The following SPAG17 variants were observed in gnomAD, a reference collection of about 807,000 sequenced individuals.
The protein encoded by SPAG17 is sperm associated antigen 17.
Under a neutral mutation model 273.6 loss-of-function variants are expected in SPAG17, and 169 were observed. The observed-to-expected ratio is 0.62, with a 90% CI of 0.55 to 0.70. The LOEUF is 0.70. Ranked by LOEUF, SPAG17 falls within the 30% of genes least tolerant of loss-of-function variation. The pLI, the probability that SPAG17 is intolerant of heterozygous loss-of-function variation, is 0.00. For missense variants in SPAG17, 2,557 were observed against 2,627.8 expected (o/e 0.97, Z 0.59); for synonymous variants, 825 against 873.2 (o/e 0.94, Z 0.97).
At position 118,074,716 on chromosome 1, in the gene SPAG17, T is replaced by C. The variant is rs145724121; in HGVS notation, c.2210-116A>G. 1.4e-4 allele frequency: 124 copies of C among 901,614 alleles called. No individual in the cohort carries two copies. In the African/African-American group the frequency reaches 1.9e-3, roughly 14 times the overall value. 55.9% of individuals were successfully genotyped at this position (901,614 alleles called of 1,614,324 possible). ...CTATGTTTCTGTGCTGAAAAGGCAA[T>C]GCCTGAAAGGCATGTTTTGTGCCTC... On this transcript the variant is annotated intron_variant, in intron 15 of 48. Transcript: ENST00000336338.
chr1:118,065,890 G>T (rs1019935699), intron 18 of SPAG17, among the ~76,000 whole-genome samples: 6 of 151,910 alleles, frequency 3.9e-5, no homozygotes, highest in African/African-American at 1.2e-4. Context: ...AATAAGACAA[G>T]GATTTCTCCT....
intron 3 of SPAG17, among the ~76,000 whole-genome samples, chr1:118,125,245 A>ATATATATTTT (rs146004766): frequency 0.048 from 7,294 of 150,756 alleles, 571 homozygotes; most frequent in African/African-American, 0.17. Flanking sequence ...ATATATATAT[A>ATATATATTTT]TTTTTGACAT....
chr1:118,100,098 G>A (rs930537561), intron 5 of SPAG17, among the ~76,000 whole-genome samples: 3 of 152,192 alleles, frequency 2.0e-5, no homozygotes, highest in Non-Finnish European at 4.4e-5. Context: ...TTGGGTTTTT[G>A]TTAAGAGTTT....
chr1:118,142,102 A>G (rs1012049071), intron 3 of SPAG17, among the ~76,000 whole-genome samples: 8 of 151,520 alleles, frequency 5.3e-5, no homozygotes, highest in Non-Finnish European at 1.0e-4. Context: ...TAATGGATAA[A>G]TGCATAAGAT....
At chr1:118,178,762 AG>A (rs1385623383) in intron 1 of SPAG17, among the ~76,000 whole-genome samples, 2 of 151,558 alleles carry the variant, frequency 1.3e-5, no homozygotes, top group African/African-American at 4.9e-5. Context: ...CATTCAGTAA[AG>A]TTGCAGGATA....
At chr1:117,985,598 CT>C (rs1656315961) in intron 40 of SPAG17, among the ~76,000 whole-genome samples, 1 of 152,154 alleles carries the variant, frequency 6.6e-6, no homozygotes, top group Non-Finnish European at 1.5e-5. Flanking sequence ...CCACCTCTGA[CT>C]TTTTTCACGT....
intron 23 of SPAG17, among the ~76,000 whole-genome samples, chr1:118,038,473 T>A (rs1649346847): frequency 6.6e-6 from 1 of 152,164 alleles, no homozygotes; most frequent in African/African-American, 2.4e-5. Flanking sequence ...TGTACACGAA[T>A]ATTTGTAGCA....
chr1:118,140,055 T>C (rs1658584842), intron 3 of SPAG17, among the ~76,000 whole-genome samples: 1 of 152,148 alleles, frequency 6.6e-6, no homozygotes, highest in Non-Finnish European at 1.5e-5. Context: ...TTTCCTGTGC[T>C]ACCTCAGGAC....
At chr1:118,025,183 A>G in intron 27 of SPAG17, 55 bp downstream of exon 27, 4 of 1,552,128 alleles carry the variant, frequency 2.6e-6, no homozygotes, top group Non-Finnish European at 3.5e-6. Flanking sequence ...CTTACCCATA[A>G]GTTGTCTTTT....
chr1:118,056,005 T>C, intron 18 of SPAG17, 91 bp from the exon 19 acceptor site: 1 of 1,049,524 alleles, frequency 9.5e-7, no homozygotes, highest in African/African-American at 1.6e-5. Flanking sequence ...TTTTTGCTCA[T>C]GTCAAAAATA....
intron 4 of SPAG17, among the ~76,000 whole-genome samples, chr1:118,114,770 C>G (rs771323380): frequency 6.6e-6 from 1 of 152,028 alleles, no homozygotes; most frequent in Non-Finnish European, 1.5e-5. Context: ...AGATTGATTT[C>G]TATAAGCAAA....
At chr1:117,986,231 G>C (rs1437150777) in intron 40 of SPAG17, among the ~76,000 whole-genome samples, 1 of 152,152 alleles carries the variant, frequency 6.6e-6, no homozygotes, top group East Asian at 1.9e-4. Flanking sequence ...TGCCTCACTG[G>C]ATTCACTCAT....
chr1:118,094,359 T>C (rs896895694), intron 7 of SPAG17, among the ~76,000 whole-genome samples: 1 of 152,264 alleles, frequency 6.6e-6, no homozygotes, highest in African/African-American at 2.4e-5. Context: ...CAACAAATTA[T>C]TTCAGCAACC....
At position 117,984,593 on chromosome 1, in the gene SPAG17, C is replaced by A. The variant is rs1656196875; in HGVS notation, c.5769+90G>T. On this transcript the variant is annotated intron_variant, in intron 41 of 48. Coordinates refer to ENST00000336338, the MANE Select transcript of SPAG17 (RefSeq NM_206996.4). ...GTCGATGCAGGAAAGAATTAAACAG[C>A]ATCAGGAAAGACAGATTACATAATA... is the stretch of plus-strand genomic sequence containing the variant. 6.2e-6 allele frequency: 5 copies of A among 804,208 alleles called. No homozygotes were observed. The Admixed American group carries it at 7.3e-5, about 12-fold the overall frequency. The allele number at this position is 804,208 out of a possible 1,614,324, so 49.8% of individuals were successfully genotyped here. A position where few individuals can be genotyped will look rare whatever the true frequency, so the allele number is the denominator to read the frequency against.
Position 118,018,336 on chromosome 1 carries a change from TG to T in SPAG17, c.4070-2155del, listed in dbSNP as rs765369383. ...CAGAAAGCTTGCCTGTGTTCAAACT[TG>T]GTGCTGAGCAGAGAAAACAAGAAAG... On this transcript the variant is annotated intron_variant, in intron 28 of 48. Coordinates refer to ENST00000336338, the MANE Select transcript of SPAG17 (RefSeq NM_206996.4). Among the ~76,000 whole-genome samples the T allele has an allele frequency of 2.6e-5, 4 of 152,258 alleles. No individual in the cohort carries two copies. In the South Asian group the frequency reaches 6.2e-4, roughly 24 times the overall value.
intron 27 of SPAG17, among the ~76,000 whole-genome samples, chr1:118,024,006 T>A (rs963753414): frequency 2.0e-5 from 3 of 152,170 alleles, no homozygotes; most frequent in Non-Finnish European, 4.4e-5. Flanking sequence ...ATCTGGTTTT[T>A]ATTCTTGTAT....
intron 32 of SPAG17, among the ~76,000 whole-genome samples, chr1:117,997,581 A>AG (rs1174593356): frequency 6.6e-6 from 1 of 151,252 alleles, no homozygotes; most frequent in Non-Finnish European, 1.5e-5. Flanking sequence ...AAAAAAAAAA[A>AG]AAGAAAAGAA....
At chr1:118,154,572 TC>T (rs1283502344) in intron 1 of SPAG17, among the ~76,000 whole-genome samples, 1 of 152,076 alleles carries the variant, frequency 6.6e-6, no homozygotes, top group Non-Finnish European at 1.5e-5. Context: ...AACCAGAGAT[TC>T]CAAACTTCCA....
Position 118,093,215 on chromosome 1 carries a change from T to A in SPAG17, c.1114A>T (p.Ile372Phe). 1 of 1,613,844 alleles carries A rather than the reference T, an allele frequency of 6.2e-7. No individual in the cohort carries two copies. Among genetic ancestry groups the A allele is most frequent in the Non-Finnish European group, 8.5e-7 (1 of 1,179,822 alleles). ...TCATTAACCACTTGTGGAACATTAA[T>A]AAGCTGCATGCTTTCCAAATAGTGC... ...HQHYLESMQL[I>F]NVPQVVNEKP... Residue 372 changes from isoleucine (I) to phenylalanine (F), a missense_variant, in exon 8 of 49, where the codon ATT becomes TTT. By Grantham distance (21) the Ile-to-Phe change is conservative. Transcript: ENST00000336338.
Sources: allele counts gnomAD v4.1 joint callset (sites outside exome capture counted in the v4.1 genomes callset), GRCh38; gene constraint gnomAD v4.1.1; transcripts MANE v1.5; gene names NCBI Gene and HGNC (gene_info 2026-07-23, HGNC 2026-07-21).